The following SLC8A1 variants were observed in gnomAD, a reference collection of about 807,000 sequenced individuals.
The protein encoded by SLC8A1 is solute carrier family 8 member A1, also known as sodium/calcium exchanger 1.
Under a neutral mutation model 68.3 loss-of-function variants are expected in SLC8A1, and 18 were observed. The ratio of observed to expected loss-of-function variants is 0.26; its 90% CI spans 0.18 to 0.39. SLC8A1 has a LOEUF of 0.39. SLC8A1 is among the 10% of genes least tolerant of loss of function. The pLI is 1.00. For missense variants in SLC8A1, 985 were observed against 1,156.7 expected (o/e 0.85, Z 2.15); for synonymous variants, 475 against 415.5 (o/e 1.14, Z -1.74).
chr2:40,155,330 C>T (rs1241128723), intron 6 of SLC8A1, among the ~76,000 whole-genome samples: 3 of 152,018 alleles, frequency 2.0e-5, no homozygotes, highest in Admixed American at 6.6e-5. Flanking sequence ...GTGGTTTCAC[C>T]GTGTTAGCCA....
chr2:40,205,754 A>G (rs1236905004), intron 2 of SLC8A1, among the ~76,000 whole-genome samples: 1 of 151,046 alleles, frequency 6.6e-6, no homozygotes, highest in Non-Finnish European at 1.5e-5. Flanking sequence ...CCATGACACA[A>G]GTTTACCTAT....
intron 2 of SLC8A1, among the ~76,000 whole-genome samples, chr2:40,271,086 A>T (rs538897749): frequency 6.6e-6 from 1 of 152,114 alleles, no homozygotes; most frequent in Middle Eastern, 3.2e-3. Flanking sequence ...AGCCAGAGTT[A>T]TCCTTAAAAA....
chr2:40,325,259 G>A (rs1204491096), intron 2 of SLC8A1, among the ~76,000 whole-genome samples: 1 of 152,164 alleles, frequency 6.6e-6, no homozygotes, highest in East Asian at 1.9e-4. Context: ...GCCAGCCCTA[G>A]TAAGTGCCAT....
intron 2 of SLC8A1, among the ~76,000 whole-genome samples, chr2:40,419,402 G>A (rs776451762): frequency 7.9e-5 from 12 of 152,196 alleles, no homozygotes; most frequent in Admixed American, 2.0e-4. Context: ...CCAGGCTTCA[G>A]TTCATTTTAG....
exon 8 of SLC8A1, chr2:40,115,154 G>A: frequency 1.3e-5 from 12 of 894,620 alleles, no homozygotes; most frequent in African/African-American, 1.7e-5. Flanking sequence ...CCATCAGCAG[G>A]TAAGTGAACA....
At chr2:40,272,317 G>T (rs750151104) in intron 2 of SLC8A1, among the ~76,000 whole-genome samples, 14 of 152,152 alleles carry the variant, frequency 9.2e-5, no homozygotes, top group Non-Finnish European at 1.9e-4. Context: ...TGATCAGTTT[G>T]GGAGGGTTCT....
chr2:40,156,843 G>C (rs185013130), intron 6 of SLC8A1, among the ~76,000 whole-genome samples: 7 of 152,066 alleles, frequency 4.6e-5, no homozygotes, highest in Non-Finnish European at 5.9e-5. Context: ...GTCTGTGTTC[G>C]CACAATGCAT....
chr2:40,183,331 C>T (rs1346017923), intron 2 of SLC8A1, among the ~76,000 whole-genome samples: 3 of 152,094 alleles, frequency 2.0e-5, no homozygotes, highest in Non-Finnish European at 2.9e-5. Flanking sequence ...TTTATTGTTT[C>T]GTATTTACAT....
In SLC8A1 at chr2:40,301,574, G is replaced by C. The variant is rs577267252; in HGVS notation, c.1809-123719C>G. ...GCAAAGGCATAAAAATGATACAATG[G>C]ATTTTGGGGACTTGGAGGGAAGGGT... On this transcript the variant is annotated intron_variant, in intron 2 of 7. Coordinates refer to ENST00000406785, the Ensembl canonical transcript of SLC8A1. Among the ~76,000 whole-genome samples the C allele has an allele frequency of 1.2e-4, 17 of 146,272 alleles. No individual in the cohort carries two copies. The South Asian group carries it at 4.1e-3, about 35-fold the overall frequency.
intron 2 of SLC8A1, among the ~76,000 whole-genome samples, chr2:40,328,838 A>C (rs905416996): frequency 2.6e-5 from 4 of 151,956 alleles, no homozygotes; most frequent in Non-Finnish European, 5.9e-5. Flanking sequence ...CCCCCATCTG[A>C]TCTGCTTGCC....
rs376468116 is a variant in SLC8A1 at position 40,387,996 on chromosome 2, C to G, written c.1808+40477G>C. ...GACTGATGGGCTACTAAGGAAATCT[C>G]TCATACCAGTTAATCAATTTAGCTA... On this transcript the variant is annotated intron_variant, in intron 2 of 7. Transcript: ENST00000406785. Among the ~76,000 whole-genome samples, 5 of 150,072 alleles carry G rather than the reference C, an allele frequency of 3.3e-5. No individual in the cohort carries two copies. The South Asian group carries it at 6.3e-4, about 19-fold the overall frequency.
At chr2:40,113,666 AC>A (rs1234151072) in exon 8 of SLC8A1, 1 of 152,614 alleles carries the variant, frequency 6.6e-6, no homozygotes, top group Non-Finnish European at 1.5e-5. Flanking sequence ...AATAAAATGA[AC>A]AAACCAGCAC....
intron 1 of SLC8A1, among the ~76,000 whole-genome samples, chr2:40,498,017 C>A (rs1705820363): frequency 6.6e-6 from 1 of 151,874 alleles, no homozygotes; most frequent in Admixed American, 6.6e-5. Context: ...GAGGTATGAA[C>A]TATTGGATTT....
chr2:40,498,547 A>G (rs1484534864), intron 1 of SLC8A1, among the ~76,000 whole-genome samples: 2 of 152,042 alleles, frequency 1.3e-5, no homozygotes, highest in Non-Finnish European at 2.9e-5. Flanking sequence ...CTTCACTGGG[A>G]TTTTTAACAT....
exon 8 of SLC8A1, chr2:40,105,164 G>A (rs562699126): frequency 1.6e-4 from 25 of 152,172 alleles, no homozygotes; most frequent in Non-Finnish European, 1.3e-4. Flanking sequence ...CCCACAGAAT[G>A]TGTATGGAGA....
chr2:40,448,468 T>C (rs1701849362), intron 1 of SLC8A1, among the ~76,000 whole-genome samples: 1 of 152,212 alleles, frequency 6.6e-6, no homozygotes, highest in Admixed American at 6.5e-5. Flanking sequence ...GATATTTATT[T>C]CCACTAAATC....
intron 4 of SLC8A1, among the ~76,000 whole-genome samples, chr2:40,169,864 T>C (rs571039366): frequency 1.3e-5 from 2 of 152,260 alleles, no homozygotes; most frequent in Non-Finnish European, 2.9e-5. Flanking sequence ...TCCCTTGGGC[T>C]CAGGAGGTTG....
intron 1 of SLC8A1, among the ~76,000 whole-genome samples, chr2:40,431,846 A>G (rs891247247): frequency 2.6e-5 from 4 of 151,980 alleles, no homozygotes; most frequent in African/African-American, 7.2e-5. Context: ...TGCCCAGGAG[A>G]ACACCGCTGC....
At chr2:40,485,472 A>G (rs1325657734) in intron 1 of SLC8A1, among the ~76,000 whole-genome samples, 1 of 152,142 alleles carries the variant, frequency 6.6e-6, no homozygotes, top group African/African-American at 2.4e-5. Flanking sequence ...ACTATTCCCT[A>G]TGTCTCTTGC....
Sources: gnomAD v4.1 joint callset for allele counts (sites outside exome capture counted in the v4.1 genomes callset) on GRCh38, gnomAD v4.1.1 for gene constraint, MANE v1.5 for transcripts, NCBI Gene and HGNC (gene_info 2026-07-23, HGNC 2026-07-21) for gene names.